CTNNA1: variants seen among roughly 807,000 people sequenced by gnomAD.
CTNNA1 encodes the protein catenin alpha 1, also known as catenin alpha-1.
In CTNNA1, 37 loss-of-function variants were observed where a neutral mutation model predicts 98.4. The observed-to-expected ratio is 0.38, with a 90% CI of 0.29 to 0.49. The LOEUF is 0.49. Among genes scored for constraint, CTNNA1 ranks in the 20% least tolerant of loss-of-function variants. The pLI, the probability that CTNNA1 is intolerant of heterozygous loss-of-function variation, is 0.95. For missense variants in CTNNA1, 761 were observed against 1,147.2 expected (o/e 0.66, Z 4.86); for synonymous variants, 404 against 413.2 (o/e 0.98, Z 0.27).
chr5:138,837,431 T>C (rs896731464), intron 7 of CTNNA1, among the ~76,000 whole-genome samples: 7 of 150,464 alleles, frequency 4.7e-5, no homozygotes, highest in Non-Finnish European at 1.0e-4. Flanking sequence ...TCCTCCTCCT[T>C]CTTTTCTTCT....
intron 3 of CTNNA1, among the ~76,000 whole-genome samples, chr5:138,801,933 C>G (rs1757616527): frequency 6.6e-6 from 1 of 152,180 alleles, no homozygotes; most frequent in South Asian, 2.1e-4. Flanking sequence ...AGGCAAACTT[C>G]TCGACTTAAA....
At chr5:138,807,317 C>T (rs967687979) in intron 3 of CTNNA1, among the ~76,000 whole-genome samples, 2 of 151,716 alleles carry the variant, frequency 1.3e-5, no homozygotes, top group African/African-American at 4.8e-5. Context: ...CAGTGTTGGA[C>T]ATTATTATGT....
intron 7 of CTNNA1, among the ~76,000 whole-genome samples, chr5:138,852,706 CCCCTGATTT>C (rs1451385425): frequency 4.0e-5 from 6 of 151,896 alleles, no homozygotes; most frequent in African/African-American, 1.4e-4. Context: ...CATGCTGATT[CCCCTGATTT>C]CCCTCCTTCC....
chr5:138,931,926 A>G (rs1765441284), intron 16 of CTNNA1: 5 of 985,332 alleles, frequency 5.1e-6, no homozygotes, highest in South Asian at 4.7e-5. Flanking sequence ...CCCTTTGGGT[A>G]AAGCTTTCTA....
chr5:138,907,858 G>A (rs896215882), intron 10 of CTNNA1, among the ~76,000 whole-genome samples: 3 of 152,164 alleles, frequency 2.0e-5, no homozygotes, highest in African/African-American at 7.2e-5. Context: ...CTGTACATAG[G>A]CAGCACTACA....
intron 3 of CTNNA1, among the ~76,000 whole-genome samples, chr5:138,792,754 A>C (rs1446457899): frequency 6.6e-6 from 1 of 152,248 alleles, no homozygotes; most frequent in Non-Finnish European, 1.5e-5. Context: ...TTGAGTATGG[A>C]TTTCAAAAAG....
chr5:138,775,347 A>G (rs1188900292), intron 1 of CTNNA1, among the ~76,000 whole-genome samples: 1 of 152,240 alleles, frequency 6.6e-6, no homozygotes, highest in African/African-American at 2.4e-5. Flanking sequence ...TGGGTTGATC[A>G]GTTGAGTGGA....
At chr5:138,776,865 T>C (rs1580941554) in intron 1 of CTNNA1, among the ~76,000 whole-genome samples, 1 of 97,398 alleles carries the variant, frequency 1.0e-5, no homozygotes. Context: ...CTCCCCCACC[T>C]CCCTCCCGGG....
intron 1 of CTNNA1, among the ~76,000 whole-genome samples, chr5:138,778,139 G>A (rs576192625): frequency 7.6e-5 from 11 of 145,312 alleles, no homozygotes; most frequent in African/African-American, 2.2e-4. Context: ...GACTACAGGC[G>A]ACCGCCACCA....
chr5:138,903,710 G>A (rs1758580065), intron 9 of CTNNA1, among the ~76,000 whole-genome samples: 1 of 152,172 alleles, frequency 6.6e-6, no homozygotes, highest in African/African-American at 2.4e-5. Flanking sequence ...AGCTGTCAGT[G>A]TTTTTGAGAA....
At chr5:138,854,226 A>G (rs1347892902) in intron 7 of CTNNA1, among the ~76,000 whole-genome samples, 1 of 152,246 alleles carries the variant, frequency 6.6e-6, no homozygotes, top group Non-Finnish European at 1.5e-5. Flanking sequence ...TCTGAATGCA[A>G]GCACTGAATG....
chr5:138,755,286 G>A (rs1364001051), intron 1 of CTNNA1: 1 of 152,212 alleles, frequency 6.6e-6, no homozygotes, highest in African/African-American at 2.4e-5. Flanking sequence ...GGTAAGTCCA[G>A]AAAGGCTTTC....
chr5:138,933,094 A>G, intron 17 of CTNNA1: 2 of 674,970 alleles, frequency 3.0e-6, no homozygotes, highest in Non-Finnish European at 5.3e-6. Flanking sequence ...AGATGGCACC[A>G]CTGCACTCCC....
chr5:138,881,787 T>C (rs1220022894), intron 7 of CTNNA1, among the ~76,000 whole-genome samples: 2 of 152,226 alleles, frequency 1.3e-5, no homozygotes, highest in Admixed American at 6.5e-5. Context: ...AATTTTCTAA[T>C]GGCTGAGGAG....
At chr5:138,810,779 T>C (rs1758609124) in intron 4 of CTNNA1, among the ~76,000 whole-genome samples, 1 of 152,346 alleles carries the variant, frequency 6.6e-6, no homozygotes, top group African/African-American at 2.4e-5. Context: ...ATTGTCATCA[T>C]GGCCCGTTCT....
intron 7 of CTNNA1, among the ~76,000 whole-genome samples, chr5:138,856,620 A>G (rs986274920): frequency 1.3e-5 from 2 of 152,292 alleles, no homozygotes; most frequent in South Asian, 4.1e-4. Flanking sequence ...GGTATTACAG[A>G]CAGGAGCCAC....
intron 3 of CTNNA1, among the ~76,000 whole-genome samples, chr5:138,794,011 G>GT (rs1756654467): frequency 8.7e-6 from 1 of 115,194 alleles, no homozygotes; most frequent in African/African-American, 3.4e-5. Flanking sequence ...TTCCTGGGTT[G>GT]ATTTTTTTTT....
intron 10 of CTNNA1, among the ~76,000 whole-genome samples, chr5:138,911,882 T>C (rs1760709415): frequency 6.6e-6 from 1 of 152,142 alleles, no homozygotes; most frequent in African/African-American, 2.4e-5. Context: ...AAGGATTAGA[T>C]GTGAGGTGAG....
chr5:138,787,301 G>C (rs1394958721), intron 3 of CTNNA1, among the ~76,000 whole-genome samples: 1 of 152,118 alleles, frequency 6.6e-6, no homozygotes, highest in Admixed American at 6.5e-5. Context: ...GTGTTGGTGG[G>C]CACCTGTATA....
Sources: allele counts gnomAD v4.1 joint callset (sites outside exome capture counted in the v4.1 genomes callset), GRCh38; gene constraint gnomAD v4.1.1; transcripts MANE v1.5; gene names NCBI Gene and HGNC (gene_info 2026-07-23, HGNC 2026-07-21).